The following BLTP2 variants were observed in gnomAD, a reference collection of about 807,000 sequenced individuals.
BLTP2 encodes bridge-like lipid transfer protein family member 2.
the BLTP2 span, chr17:28,619,521 G>C: frequency 1.9e-6 from 2 of 1,061,018 alleles, no homozygotes; most frequent in Non-Finnish European, 1.4e-6. Flanking sequence ...TTCAGGAAGA[G>C]ATGTCTGAAC....
At chr17:28,625,064 GCGGTGGCTCA>G in the BLTP2 span, among the ~76,000 whole-genome samples, 1 of 152,060 alleles carries the variant, frequency 6.6e-6, no homozygotes, top group Non-Finnish European at 1.5e-5. Context: ...GGGGCCAGGC[GCGGTGGCTCA>G]CGCCTGTAAT....
chr17:28,641,616 G>A, the BLTP2 span, among the ~76,000 whole-genome samples: 323 of 151,746 alleles, frequency 2.1e-3, 3 homozygotes, highest in African/African-American at 7.0e-3. Context: ...ACTCCAGCCT[G>A]GGTGACAGAG....
the BLTP2 span, chr17:28,637,218 C>A: frequency 1.4e-6 from 2 of 1,431,042 alleles, no homozygotes; most frequent in Non-Finnish European, 2.0e-6. Flanking sequence ...TCTCAAAGGG[C>A]AACAATAGTC....
the BLTP2 span, chr17:28,635,186 G>A: frequency 6.2e-7 from 1 of 1,614,004 alleles, no homozygotes; most frequent in South Asian, 1.1e-5. Context: ...TTCCGGTGGA[G>A]GATCATCTCT....
the BLTP2 span, among the ~76,000 whole-genome samples, chr17:28,628,793 G>A: frequency 1.3e-5 from 2 of 152,110 alleles, no homozygotes; most frequent in African/African-American, 4.8e-5. Context: ...AATTAGCTGG[G>A]CATGGTGGCT....
the BLTP2 span, chr17:28,618,805 A>G: frequency 6.2e-7 from 1 of 1,613,362 alleles, no homozygotes; most frequent in Non-Finnish European, 8.5e-7. Flanking sequence ...CTGTAGAGGA[A>G]CCTCTGCAGT....
the BLTP2 span, chr17:28,643,598 T>C: frequency 3.7e-6 from 6 of 1,611,544 alleles, no homozygotes; most frequent in Admixed American, 1.7e-5. Context: ...AGTGAGAATA[T>C]AGGGTACTCA....
At chr17:28,639,671 G>T in the BLTP2 span, 1 of 1,604,338 alleles carries the variant, frequency 6.2e-7, no homozygotes, top group Non-Finnish European at 8.5e-7. Context: ...CAGATCAGAG[G>T]AGAGCACTGG....
At chr17:28,616,126 A>C in the BLTP2 span, 1 of 1,614,110 alleles carries the variant, frequency 6.2e-7, no homozygotes, top group Non-Finnish European at 8.5e-7. This position sits in a 1 kb window ranked among gnomAD's most constrained non-coding sequence, Gnocchi z 4.8. Context: ...GAACCTGTGG[A>C]ATCTTTATGT....
the BLTP2 span, chr17:28,624,104 C>G: frequency 7.5e-7 from 1 of 1,337,904 alleles, no homozygotes. Flanking sequence ...AAGTGATTAC[C>G]TATGATACCT....
the BLTP2 span, chr17:28,643,503 C>A: frequency 7.3e-6 from 10 of 1,378,422 alleles, no homozygotes; most frequent in Non-Finnish European, 1.0e-5. Context: ...TCAGCAACAA[C>A]CTCCCTTCCT....
the BLTP2 span, chr17:28,624,171 G>T: frequency 1.9e-6 from 3 of 1,552,948 alleles, no homozygotes; most frequent in Non-Finnish European, 1.8e-6. Flanking sequence ...AGAGGTGGGG[G>T]AAGGGGAACA....
the BLTP2 span, among the ~76,000 whole-genome samples, chr17:28,644,670 T>C: frequency 2.0e-5 from 3 of 152,214 alleles, no homozygotes; most frequent in Non-Finnish European, 2.9e-5. Context: ...GAAAGGGACA[T>C]GCAGGGGTGG....
the BLTP2 span, chr17:28,644,218 C>A: frequency 1.6e-5 from 26 of 1,605,536 alleles, no homozygotes; most frequent in Non-Finnish European, 2.0e-5. Context: ...ATTCATAGGA[C>A]CTTTTTCCAA....
the BLTP2 span, among the ~76,000 whole-genome samples, chr17:28,631,004 C>T: frequency 6.6e-6 from 1 of 152,160 alleles, no homozygotes; most frequent in East Asian, 1.9e-4. Context: ...TAATGACATA[C>T]ATGCTTGGAA....
At chr17:28,636,621 G>C in the BLTP2 span, among the ~76,000 whole-genome samples, 1 of 152,168 alleles carries the variant, frequency 6.6e-6, no homozygotes, top group African/African-American at 2.4e-5. Flanking sequence ...GTATACAAAA[G>C]CTTATAAATT....
At chr17:28,619,629 G>A in the BLTP2 span, 1 of 1,612,598 alleles carries the variant, frequency 6.2e-7, no homozygotes, top group African/African-American at 1.3e-5. Flanking sequence ...CACTGGAAAA[G>A]GGCAAGGAAA....
chr17:28,632,615 G>A, the BLTP2 span, among the ~76,000 whole-genome samples: 1 of 152,036 alleles, frequency 6.6e-6, no homozygotes, highest in Non-Finnish European at 1.5e-5. Flanking sequence ...ACAGCAAAAA[G>A]GCACCATCTA....
the BLTP2 span, chr17:28,633,870 A>G: frequency 6.2e-7 from 1 of 1,611,776 alleles, no homozygotes; most frequent in Non-Finnish European, 8.5e-7. Flanking sequence ...CCCTCAGCCA[A>G]ACCAACTGCC....
Sources: gnomAD v4.1 joint callset for allele counts (sites outside exome capture counted in the v4.1 genomes callset) on GRCh38, gnomAD v4.1.1 for gene constraint, Gnocchi (gnomAD v3.1) non-coding constraint, MANE v1.5 for transcripts, NCBI Gene and HGNC (gene_info 2026-07-23, HGNC 2026-07-21) for gene names.